MINK1: variants seen among roughly 807,000 people sequenced by gnomAD.
MINK1 encodes misshapen like kinase 1.
Under a neutral mutation model 178.4 loss-of-function variants are expected in MINK1, and 46 were observed. The observed-to-expected ratio is 0.26, with a 90% confidence interval of 0.20 to 0.33. The LOEUF is 0.33. Among genes scored for constraint, MINK1 ranks in the 10% least tolerant of loss-of-function variants. MINK1 has a pLI of 1.00. For synonymous variants in MINK1, 797 were observed against 709.7 expected, an observed-to-expected ratio of 1.12 and a Z score of -1.96; for missense variants, 1,366 against 1,814.9, an observed-to-expected ratio of 0.75 and a Z score of 4.49.
chr17:4,860,062 G>T (rs1913914269), intron 1 of MINK1, among the ~76,000 whole-genome samples: 2 of 151,906 alleles, frequency 1.3e-5, no homozygotes, highest in Admixed American at 6.6e-5. Context: ...ACAGGGGGAA[G>T]GGTCGCGTCC....
chr17:4,855,880 G>T (rs1006847328), intron 1 of MINK1, among the ~76,000 whole-genome samples: 1 of 150,536 alleles, frequency 6.6e-6, no homozygotes, highest in Non-Finnish European at 1.5e-5. Context: ...AGGCTGAGGC[G>T]GGAGAATCAC....
intron 1 of MINK1, among the ~76,000 whole-genome samples, chr17:4,867,119 A>T (rs1915121010): frequency 1.1e-5 from 1 of 88,438 alleles, no homozygotes; most frequent in Non-Finnish European, 2.3e-5. Flanking sequence ...TGCACACTAT[A>T]GTAGGTGCTC....
At chr17:4,835,626 T>TAAACA (rs554186099) in intron 1 of MINK1, among the ~76,000 whole-genome samples, 24 of 152,162 alleles carry the variant, frequency 1.6e-4, no homozygotes, top group Admixed American at 4.6e-4. Flanking sequence ...GACCTTGTCT[T>TAAACA]AAACAAAACA....
At chr17:4,882,786 T>G (rs1024432281) in intron 4 of MINK1, among the ~76,000 whole-genome samples, 1 of 152,132 alleles carries the variant, frequency 6.6e-6, no homozygotes, top group African/African-American at 2.4e-5. Flanking sequence ...CACATGTCAT[T>G]TAGGATTCCT....
intron 4 of MINK1, chr17:4,883,221 T>C (rs1268341802): frequency 6.6e-6 from 1 of 151,376 alleles, no homozygotes; most frequent in African/African-American, 2.4e-5. Flanking sequence ...TTTTTTTTTT[T>C]TGAGACAGAG....
At position 4,894,925 on chromosome 17, in the gene MINK1, TCCCCCTCTCCCATGCA is replaced by T. The variant is rs1206427934; in HGVS notation, c.2918-147_2918-132del. 2 of 844,138 alleles carry T rather than the reference TCCCCCTCTCCCATGCA, an allele frequency of 2.4e-6. No individual in the cohort carries two copies. The highest frequency in any genetic ancestry group is 3.6e-6 in the Non-Finnish European group (2 of 549,666). The allele number at this position is 844,138 out of a possible 1,614,324, so 52.3% of individuals were successfully genotyped here. A position where few individuals can be genotyped will look rare whatever the true frequency, so the allele number is the denominator to read the frequency against. The stretch of plus-strand genomic sequence containing the variant: ...TTTTGACTCCAAGTCCAGCACTCTA[TCCCCCTCTCCCATGCA>T]CCTCCTCTCCTCCTGTCTTTCTCCT... On this transcript the variant is annotated intron_variant, in intron 24 of 31. Coordinates refer to ENST00000355280, the MANE Select transcript of MINK1 (RefSeq NM_153827.5). The surrounding 1 kb of genome is among the most constrained non-coding windows in gnomAD (Gnocchi z 4.1).
rs753247743 is a variant in MINK1, at chr17:4,891,545, G to A, written c.1830G>A (p.Leu610=). 1 of 1,609,602 alleles carries A rather than the reference G, an allele frequency of 6.2e-7. No homozygotes were observed. Among genetic ancestry groups the A allele is most frequent in the Admixed American group, 1.7e-5 (1 of 59,436 alleles). ...TGCAGGACCAGCCCACCCGAAACCT[G>A]GCTGCCTTCCCAGCCTCCCATGACC... ...QSLQDQPTRN[L]AAFPASHDPD... Residue 610 remains leucine, a synonymous_variant, in exon 16 of 32, where the codon CTG becomes CTA. Transcript: ENST00000355280.
intron 1 of MINK1, among the ~76,000 whole-genome samples, chr17:4,861,363 C>T (rs777701144): frequency 5.3e-5 from 8 of 152,180 alleles, no homozygotes; most frequent in Admixed American, 1.3e-4. Flanking sequence ...TCGTAAACAA[C>T]GCAGGGCACA....
chr17:4,835,645 C>G (rs1445267493), intron 1 of MINK1, among the ~76,000 whole-genome samples: 1 of 151,790 alleles, frequency 6.6e-6, no homozygotes, highest in Non-Finnish European at 1.5e-5. Context: ...CAAAACAAAA[C>G]AAAAAAACGG....
At chr17:4,890,053 C>T (rs1427000478) in intron 13 of MINK1, 2 of 511,018 alleles carry the variant, frequency 3.9e-6, no homozygotes, top group Non-Finnish European at 6.9e-6. Flanking sequence ...TGCCGCATGG[C>T]CCCCTGGGGC....
At chr17:4,846,862 A>C (rs1228691751) in intron 1 of MINK1, among the ~76,000 whole-genome samples, 2 of 152,198 alleles carry the variant, frequency 1.3e-5, no homozygotes, top group African/African-American at 4.8e-5. Flanking sequence ...AGGTGCCAGC[A>C]GTCGGCCAAG....
At position 4,833,605 on chromosome 17, in the gene MINK1, C is replaced by G; in HGVS notation, c.22C>G (p.Arg8Gly). 6.7e-7 allele frequency: 1 copy of G among 1,501,122 alleles called. No homozygotes were observed. The highest frequency in any genetic ancestry group is 1.4e-5 in the African/African-American group (1 of 69,058). 93.0% of individuals were successfully genotyped at this position (1,501,122 alleles called of 1,614,324 possible). ...GGCCATGGGCGACCCAGCCCCCGCCCGCAGCCTGGACGACATCGACCTGTC... is the reference window on the plus strand; with the variant it reads ...GGCCATGGGCGACCCAGCCCCCGCCGGCAGCCTGGACGACATCGACCTGTC... MGDPAPA[R>G]SLDDIDLSAL... Residue 8 changes from arginine (R) to glycine (G), a missense_variant, in exon 1 of 32, where the codon CGC (arginine) becomes GGC (glycine). Around this residue, in one of 14 missense-constraint regions of MINK1, gnomAD observed 22 missense variants for 21.7 expected, o/e 1.01. Coordinates refer to ENST00000355280, the MANE Select transcript of MINK1 (RefSeq NM_153827.5). The surrounding 1 kb of genome is among the most constrained non-coding windows in gnomAD (Gnocchi z 4.8).
At chr17:4,861,319 C>G (rs1451769510) in intron 1 of MINK1, among the ~76,000 whole-genome samples, 1 of 152,164 alleles carries the variant, frequency 6.6e-6, no homozygotes, top group Non-Finnish European at 1.5e-5. Flanking sequence ...GTTGGCTCTT[C>G]ATAGCTGAGC....
chr17:4,835,076 C>T (rs1909100248), intron 1 of MINK1, among the ~76,000 whole-genome samples: 1 of 152,070 alleles, frequency 6.6e-6, no homozygotes, highest in Non-Finnish European at 1.5e-5. Flanking sequence ...CGCTGAATTT[C>T]TCTGTGTGCG....
rs749213157 is a variant in MINK1, at chr17:4,896,846, G to A, written c.3915+33G>A. On this transcript the variant is annotated intron_variant, in intron 31 of 31. Transcript: ENST00000355280. The surrounding 1 kb of genome is among the most constrained non-coding windows in gnomAD (Gnocchi z 4.6). ...GCTCCTTCCCTCTGAAAGCCCTGCTGTCCCGGCTGCCATGACCCTAGGCCC... is the reference window on the plus strand; with the variant it reads ...GCTCCTTCCCTCTGAAAGCCCTGCTATCCCGGCTGCCATGACCCTAGGCCC... The A allele has an allele frequency of 5.2e-6, 8 of 1,535,382 alleles. No individual in the cohort carries two copies. The East Asian group carries it at 1.4e-4, about 26-fold the overall frequency.
chr17:4,891,409 A>G (rs1597563464), intron 15 of MINK1, 47 bp from the exon 16 acceptor site: 2 of 1,513,936 alleles, frequency 1.3e-6, no homozygotes, highest in Non-Finnish European at 8.8e-7. Context: ...GCAGGTGGGG[A>G]TGTGCCATGG....
chr17:4,891,823 G>A (rs1051516903), intron 16 of MINK1, 107 bp downstream of exon 16: 12 of 1,419,426 alleles, frequency 8.5e-6, no homozygotes, highest in South Asian at 1.5e-5. Context: ...GGCGGGAAGC[G>A]AGAGAAAGCC....
chr17:4,847,124 G>C (rs1419417978), intron 1 of MINK1: 1 of 462,980 alleles, frequency 2.2e-6, no homozygotes, highest in Non-Finnish European at 4.4e-6. Flanking sequence ...GTCAGTGGGA[G>C]GCCTGCTAAC....
In MINK1 at chr17:4,891,529, A is replaced by T; in HGVS notation, c.1814A>T (p.Gln605Leu). 1 of 1,611,408 alleles carries T rather than the reference A, an allele frequency of 6.2e-7. No individual in the cohort carries two copies. Among genetic ancestry groups the T allele is most frequent in the Non-Finnish European group, 8.5e-7 (1 of 1,179,072 alleles). ...PVPRSQSLQD[Q>L]PTRNLAAFPA... ...CCCCGATCCCAGTCCCTGCAGGACC[A>T]GCCCACCCGAAACCTGGCTGCCTTC... The change falls in exon 16 of 32, where the codon CAG (glutamine) becomes CTG (leucine). Residue 605 changes from glutamine to leucine, a missense_variant. Around this residue, in one of 14 missense-constraint regions of MINK1, gnomAD observed 709 missense variants for 692.3 expected, o/e 1.02. Transcript: ENST00000355280.
Sources: gnomAD v4.1 joint callset for allele counts (sites outside exome capture counted in the v4.1 genomes callset) on GRCh38, gnomAD v4.1.1 for gene constraint, gnomAD v4.1.1 regional missense constraint, Gnocchi (gnomAD v3.1) non-coding constraint, MANE v1.5 for transcripts, NCBI Gene and HGNC (gene_info 2026-07-23, HGNC 2026-07-21) for gene names.